Variants in CLCN6 observed in about 807,000 individuals in gnomAD.
CLCN6 encodes Cl-/H+ antiporter 6.
In CLCN6, 70 loss-of-function variants were observed where a neutral mutation model predicts 109.8. The ratio of observed to expected loss-of-function variants is 0.64; its 90% CI spans 0.53 to 0.78. The LOEUF (loss-of-function observed/expected upper bound fraction) is 0.78, where lower values mean the gene tolerates loss of function less well. Among genes scored for constraint, CLCN6 ranks in the 30% least tolerant of loss-of-function variants. The pLI, the probability that CLCN6 is intolerant of heterozygous loss-of-function variation, is 0.00. For synonymous variants in CLCN6, 444 were observed against 447.8 expected (o/e 0.99, Z 0.11); for missense variants, 984 against 1,142.3 (o/e 0.86, Z 2.00).
At chr1:11,829,382 T>C in intron 13 of CLCN6, 60 bp downstream of exon 13, 2 of 1,597,838 alleles carry the variant, frequency 1.3e-6, no homozygotes, top group African/African-American at 1.3e-5. Flanking sequence ...CAGAAATGTA[T>C]GACCTTCCTC....
chr1:11,828,407 T>G (rs1215342959), intron 11 of CLCN6, 51 bp from the exon 12 acceptor site: 1 of 1,605,902 alleles, frequency 6.2e-7, no homozygotes. Flanking sequence ...CTCTTCCGGT[T>G]CTCATGGCTG....
At chr1:11,825,660 T>C (rs1013102226) in intron 8 of CLCN6, among the ~76,000 whole-genome samples, 1 of 152,208 alleles carries the variant, frequency 6.6e-6, no homozygotes, top group African/African-American at 2.4e-5. Context: ...TCTCACTCTG[T>C]TGCCCAGGCT....
chr1:11,824,559 A>T lies in CLCN6; in HGVS notation c.648+6A>T. 1.2e-6 allele frequency: 2 copies of T among 1,613,044 alleles called. No homozygotes were observed. The highest frequency in any genetic ancestry group is 1.7e-6 in the Non-Finnish European group (2 of 1,179,352). On this transcript the variant is annotated splice_donor_region_variant and intron_variant, in intron 8 of 22. Coordinates refer to ENST00000346436, the MANE Select transcript of CLCN6 (RefSeq NM_001286.5). ...TGGGAGCTGGCCTCCCTCAGGTAAGATGGGCTGAGAGGGTGTGGGCCTCTG... is the reference window on the plus strand; with the variant it reads ...TGGGAGCTGGCCTCCCTCAGGTAAGTTGGGCTGAGAGGGTGTGGGCCTCTG...
Position 11,822,766 on chromosome 1 carries a change from T to G in CLCN6, c.418T>G (p.Phe140Val). Residue 140 changes from phenylalanine to valine, a missense_variant, in exon 6 of 23, where the codon TTT (phenylalanine) becomes GTT (valine). Physicochemically the swap from Phe to Val is conservative, Grantham distance 50. Transcript: ENST00000346436. ...LLELLGFNLT[F>V]VFLASLLVLI... is the part of the protein sequence containing the mutation. ...TGAACTCCTGGGTTTTAACCTCACC[T>G]TTGTCTTCCTGGCAAGCCTCCTTGT... 2 of 1,614,006 alleles carry G rather than the reference T, an allele frequency of 1.2e-6. No homozygotes were observed. The highest frequency in any genetic ancestry group is 1.7e-4 in the Middle Eastern group (1 of 6,056).
intron 7 of CLCN6, among the ~76,000 whole-genome samples, chr1:11,824,149 G>C (rs1644781810): frequency 6.6e-6 from 1 of 152,226 alleles, no homozygotes; most frequent in Admixed American, 6.5e-5. Flanking sequence ...AATCAGAATG[G>C]AAGCTCTTAT....
rs1385052504 is a variant in CLCN6 at position 11,836,986 on chromosome 1, T to G, written c.1981-13T>G. On this transcript the variant is annotated splice_polypyrimidine_tract_variant and intron_variant, in intron 18 of 22. Coordinates refer to ENST00000346436, the MANE Select transcript of CLCN6 (RefSeq NM_001286.5). ...TGCCCATGCGCAGTAGCCTGTGGCCTCCCCACCCACAGAAATCCAGCATCC... is the reference window on the plus strand; with the variant it reads ...TGCCCATGCGCAGTAGCCTGTGGCCGCCCCACCCACAGAAATCCAGCATCC... The G allele has an allele frequency of 5.6e-6, 9 of 1,606,352 alleles. No individual in the cohort carries two copies. The highest frequency in any genetic ancestry group is 5.9e-6 in the Non-Finnish European group (7 of 1,179,938).
intron 1 of CLCN6, 131 bp from the exon 2 acceptor site, chr1:11,807,000 T>G: frequency 1.3e-6 from 1 of 783,048 alleles, no homozygotes; most frequent in Non-Finnish European, 2.1e-6. Flanking sequence ...AAGGTTTTTT[T>G]TGAGGGCTGG....
intron 22 of CLCN6, among the ~76,000 whole-genome samples, chr1:11,839,237 C>G (rs1369051018): frequency 6.6e-6 from 1 of 152,134 alleles, no homozygotes; most frequent in Non-Finnish European, 1.5e-5. Context: ...TTTTCAAGGC[C>G]ACCCTCTCAG....
intron 12 of CLCN6, 137 bp from the exon 13 acceptor site, chr1:11,829,059 C>T (rs1430216427): frequency 3.1e-6 from 3 of 976,794 alleles, no homozygotes; most frequent in Non-Finnish European, 4.6e-6. Flanking sequence ...CAATTCTGCA[C>T]ACATGTTGAC....
rs773641061 is a variant in CLCN6, at chr1:11,829,242, T to G, written c.1168T>G (p.Phe390Val). The G allele has an allele frequency of 2.5e-6, 4 of 1,614,088 alleles. No individual in the cohort carries two copies. The highest frequency in any genetic ancestry group is 3.4e-6 in the Non-Finnish European group (4 of 1,180,000). The change falls in exon 13 of 23, where the codon TTT becomes GTT. Residue 390 changes from phenylalanine to valine, a missense_variant. Transcript: ENST00000346436. The part of the protein sequence containing the change: ...LVSLVTTVVV[F>V]VASMVLGECR... ...GTCTCTGGTAACCACCGTGGTGGTGTTTGTGGCCTCGATGGTGTTAGGAGA... is the reference window on the plus strand; with the variant it reads ...GTCTCTGGTAACCACCGTGGTGGTGGTTGTGGCCTCGATGGTGTTAGGAGA...
At position 11,834,823 on chromosome 1, in the gene CLCN6, G is replaced by A. The variant is rs1298930119; in HGVS notation, c.1793+233G>A. 3.9e-5 allele frequency among the ~76,000 whole-genome samples: 6 copies of A among 152,172 alleles called. No homozygotes were observed. The highest frequency in any genetic ancestry group is 6.5e-5 in the Admixed American group (1 of 15,286). On this transcript the variant is annotated intron_variant, in intron 17 of 22. Coordinates refer to ENST00000346436, the MANE Select transcript of CLCN6 (RefSeq NM_001286.5). The surrounding 1 kb of genome is among the most constrained non-coding windows in gnomAD (Gnocchi z 4.5). ...CTGCAGTGGGCAGGGCCTCTTCGTG[G>A]TGGTTTGACTCCCATGGCATTCTGG...
intron 12 of CLCN6, 24 bp downstream of exon 12, chr1:11,828,648 C>G (rs200724457): frequency 2.8e-4 from 440 of 1,574,176 alleles, no homozygotes; most frequent in Non-Finnish European, 3.3e-4. Context: ...CGCCTCCCCC[C>G]CGAGCCTGCT....
intron 18 of CLCN6, among the ~76,000 whole-genome samples, chr1:11,836,762 C>G (rs950632108): frequency 2.6e-5 from 4 of 152,188 alleles, no homozygotes; most frequent in African/African-American, 9.7e-5. Flanking sequence ...TTGTTCCCCT[C>G]TGGAGAATCA....
At position 11,828,590 on chromosome 1, in the gene CLCN6, A is replaced by T. The variant is rs1644841954; in HGVS notation, c.1087A>T (p.Met363Leu). 2 of 1,613,464 alleles carry T rather than the reference A, an allele frequency of 1.2e-6. No individual in the cohort carries two copies. The highest frequency in any genetic ancestry group is 1.7e-4 in the Middle Eastern group (1 of 5,918). ...GAACAAGAGGCTTGCAAAGTACCGTATGCGAAACGTGCACCCGAAACCTAA... is the reference window on the plus strand; with the variant it reads ...GAACAAGAGGCTTGCAAAGTACCGTTTGCGAAACGTGCACCCGAAACCTAA... The part of the protein sequence containing the change: ...CLNKRLAKYR[M>L]RNVHPKPKLV... Residue 363 changes from methionine (M) to leucine (L), a missense_variant, in exon 12 of 23, where the codon ATG becomes TTG. By Grantham distance (15) the Met-to-Leu change is conservative (BLOSUM62 2). Transcript: ENST00000346436.
At chr1:11,835,234 GA>G (rs1644929546) in intron 17 of CLCN6, among the ~76,000 whole-genome samples, 1 of 152,206 alleles carries the variant, frequency 6.6e-6, no homozygotes, top group Admixed American at 6.5e-5. Flanking sequence ...GCTGTGCCCT[GA>G]TCTAAAGGGG....
chr1:11,817,973 G>C (rs542732055), intron 4 of CLCN6, among the ~76,000 whole-genome samples: 18 of 152,042 alleles, frequency 1.2e-4, no homozygotes, highest in Non-Finnish European at 1.9e-4. Flanking sequence ...TAAATCTCAG[G>C]GTGTTGGGCC....
chr1:11,826,326 C>CTG (rs113101975), intron 9 of CLCN6, 112 bp downstream of exon 9: 128,313 of 849,254 alleles, frequency 0.15, 10,692 homozygotes, highest in African/African-American at 0.23. Flanking sequence ...GGAAACCCGA[C>CTG]TGGGAGAAGG....
rs34913289 is a variant in CLCN6 at position 11,833,020 on chromosome 1, C to CTT, written c.1249-483_1249-482dup. Among the ~76,000 whole-genome samples the CTT allele has an allele frequency of 1.7e-3, 240 of 145,072 alleles. 1 individual carries two copies. The highest frequency in any genetic ancestry group is 3.3e-3 in the African/African-American group (131 of 39,586). Reference sequence around the variant, plus strand: ...TTTTCTTTTGCAGCAAATTCAGGTGCTTTTTTTTTTTTTGTAGCAAATTGC... The same window carrying CTT: ...TTTTCTTTTGCAGCAAATTCAGGTGCTTTTTTTTTTTTTTTGTAGCAAATTGC... On this transcript the variant is annotated intron_variant, in intron 13 of 22. Coordinates refer to ENST00000346436, the MANE Select transcript of CLCN6 (RefSeq NM_001286.5).
chr1:11,819,594 G>T, intron 5 of CLCN6, 40 bp downstream of exon 5: 1 of 1,560,786 alleles, frequency 6.4e-7, no homozygotes, highest in Non-Finnish European at 8.8e-7. Flanking sequence ...GGACTTCAGT[G>T]GTCACCAAGA....
Sources: gnomAD v4.1 joint callset for allele counts (sites outside exome capture counted in the v4.1 genomes callset) on GRCh38, gnomAD v4.1.1 for gene constraint, Gnocchi (gnomAD v3.1) non-coding constraint, MANE v1.5 for transcripts, NCBI Gene and HGNC (gene_info 2026-07-23, HGNC 2026-07-21) for gene names.